The following NYAP2 variants were observed in gnomAD, a reference collection of about 807,000 sequenced individuals.
NYAP2 encodes the protein neuronal tyrosine-phosphorylated phosphoinositide-3-kinase adaptor 2, also known as neuronal tyrosine-phosphorylated phosphoinositide-3-kinase adapter 2.
In NYAP2, 23 loss-of-function variants were observed where a neutral mutation model predicts 50.4. That is an observed-to-expected ratio of 0.46 (90% confidence interval 0.33 to 0.65). NYAP2 has a LOEUF of 0.65. NYAP2 is among the 30% of genes least tolerant of loss of function. The pLI is 0.02. For missense variants in NYAP2, 885 were observed against 861.0 expected (o/e 1.03, Z -0.35); for synonymous variants, 394 against 365.2 (o/e 1.08, Z -0.90).
chr2:225,470,243 T>A (rs1278518557), intron 3 of NYAP2, among the ~76,000 whole-genome samples: 3 of 152,190 alleles, frequency 2.0e-5, no homozygotes, highest in Admixed American at 2.0e-4. Context: ...TTGATAAGCC[T>A]CTTCCCTTGA....
chr2:225,667,166 G>A, the NYAP2 span, among the ~76,000 whole-genome samples: 1 of 152,114 alleles, frequency 6.6e-6, no homozygotes, highest in Non-Finnish European at 1.5e-5. Context: ...AATTCTTGTT[G>A]TGTACTGCTA....
intron 4 of NYAP2, among the ~76,000 whole-genome samples, chr2:225,559,450 G>A (rs578052826): frequency 5.9e-5 from 9 of 152,144 alleles, no homozygotes; most frequent in African/African-American, 1.9e-4. Context: ...TTGCTTCTGA[G>A]ATGCCTGAAG....
chr2:225,407,503 A>T (rs1393949210), intron 2 of NYAP2, among the ~76,000 whole-genome samples: 3 of 151,980 alleles, frequency 2.0e-5, no homozygotes, highest in Admixed American at 1.3e-4. Flanking sequence ...ATATGGATTG[A>T]CTGGCAGCTG....
intron 5 of NYAP2, among the ~76,000 whole-genome samples, chr2:225,588,050 G>A (rs146955999): frequency 0.11 from 16,024 of 151,752 alleles, 967 homozygotes; most frequent in South Asian, 0.13. Flanking sequence ...TCAGTCTCCC[G>A]AGTAGCTGGG....
chr2:225,692,964 G>A, the NYAP2 span, among the ~76,000 whole-genome samples: 1 of 151,494 alleles, frequency 6.6e-6, no homozygotes, highest in Admixed American at 6.6e-5. Flanking sequence ...ATTCACATAC[G>A]AGTTCCAAAG....
At chr2:225,532,590 A>C (rs1691276453) in intron 4 of NYAP2, among the ~76,000 whole-genome samples, 1 of 152,216 alleles carries the variant, frequency 6.6e-6, no homozygotes, top group Non-Finnish European at 1.5e-5. Flanking sequence ...TAAGAATAAG[A>C]AGGAACTTAG....
rs1692279203 is a variant in NYAP2 at position 225,582,008 on chromosome 2, A to G, written c.591A>G (p.Arg197=). Residue 197 remains arginine, a synonymous_variant, in exon 5 of 7, where the codon CGA becomes CGG. Transcript: ENST00000636099. This position sits in a 1 kb window ranked among gnomAD's most constrained non-coding sequence, Gnocchi z 7.0. ...AGATTCCTCCTCCCAAACCGAAGCG[A>G]AATCCGAACACTCAGCTGAGCACAT... 13 of 1,613,762 alleles carry G rather than the reference A, an allele frequency of 8.1e-6. No individual in the cohort carries two copies. Among genetic ancestry groups the G allele is most frequent in the Non-Finnish European group, 1.1e-5 (13 of 1,179,652 alleles).
chr2:225,423,040 T>A (rs1158088371), intron 3 of NYAP2, among the ~76,000 whole-genome samples: 1 of 152,064 alleles, frequency 6.6e-6, no homozygotes, highest in Non-Finnish European at 1.5e-5. Context: ...TACCAGAAAA[T>A]AAAAGCACTT....
chr2:225,679,230 ATAT>A, the NYAP2 span, among the ~76,000 whole-genome samples: 3 of 152,236 alleles, frequency 2.0e-5, no homozygotes, highest in South Asian at 6.2e-4. Context: ...AGAAAAGAAA[ATAT>A]TAATAACACT....
At position 225,628,896 on chromosome 2, in the gene NYAP2, C is replaced by G. The variant is rs534426507; in HGVS notation, c.1828+1770C>G. 9.2e-5 allele frequency among the ~76,000 whole-genome samples: 14 copies of G among 152,226 alleles called. No individual in the cohort carries two copies. In the South Asian group the frequency reaches 2.1e-3, roughly 23 times the overall value. ...TACAATGACAAAAAAGATATCCTTA[C>G]ATTTAAGTGCTCAAAGTCTAGAGCA... On this transcript the variant is annotated intron_variant, in intron 6 of 6. Coordinates refer to ENST00000636099, the Ensembl canonical transcript of NYAP2.
In NYAP2 at chr2:225,651,602, C is replaced by T. The variant is rs780674638; in HGVS notation, c.*37C>T. 10 of 1,610,740 alleles carry T rather than the reference C, an allele frequency of 6.2e-6. No individual in the cohort carries two copies. The African/African-American group carries it at 6.7e-5, about 11-fold the overall frequency. ...ACAACTTGCCAAATGCTTCCCACCT[C>T]TGTCTGTCCTGTTGCTGTAGACAAC... is the stretch of plus-strand genomic sequence containing the variant. On this transcript the variant is annotated 3_prime_UTR_variant, in exon 7 of 7. Transcript: ENST00000636099.
intron 4 of NYAP2, among the ~76,000 whole-genome samples, chr2:225,579,267 A>G (rs1291766952): frequency 6.6e-6 from 1 of 152,156 alleles, no homozygotes; most frequent in Non-Finnish European, 1.5e-5. Flanking sequence ...TTTTTGTGGA[A>G]GAATGGGGAC....
chr2:225,423,205 A>G (rs574130102), intron 3 of NYAP2, among the ~76,000 whole-genome samples: 1 of 152,302 alleles, frequency 6.6e-6, no homozygotes, highest in Admixed American at 6.5e-5. Flanking sequence ...AAGAGGAATG[A>G]AAGATTAGGA....
intron 4 of NYAP2, among the ~76,000 whole-genome samples, chr2:225,551,195 G>C (rs1166902592): frequency 6.6e-6 from 1 of 152,140 alleles, no homozygotes; most frequent in Non-Finnish European, 1.5e-5. Flanking sequence ...TCACCTTCTG[G>C]TATCCTAGTA....
chr2:225,628,880 A>G (rs1239860782), intron 6 of NYAP2, among the ~76,000 whole-genome samples: 2 of 152,172 alleles, frequency 1.3e-5, no homozygotes, highest in Non-Finnish European at 2.9e-5. Flanking sequence ...ATACAATGAC[A>G]AAAAAGATAT....
At position 225,571,906 on chromosome 2, in the gene NYAP2, C is replaced by T. The variant is rs546256931; in HGVS notation, c.524-10035C>T. On this transcript the variant is annotated intron_variant, in intron 4 of 6. Coordinates refer to ENST00000636099, the Ensembl canonical transcript of NYAP2. The stretch of plus-strand genomic sequence containing the variant: ...CTTTTATTCTCTACTTCCTCTTGAA[C>T]GCTTTGCTGCTTAGAAATTTCTTCC... 7.2e-5 allele frequency among the ~76,000 whole-genome samples: 11 copies of T among 152,248 alleles called. No homozygotes were observed. The East Asian group carries it at 7.7e-4, about 11-fold the overall frequency.
At chr2:225,502,771 T>A (rs1452142615) in intron 3 of NYAP2, among the ~76,000 whole-genome samples, 1 of 152,184 alleles carries the variant, frequency 6.6e-6, no homozygotes, top group Non-Finnish European at 1.5e-5. Context: ...GGACTTGTTG[T>A]TCCATTGCAC....
chr2:225,486,317 G>A (rs370083712), intron 3 of NYAP2, among the ~76,000 whole-genome samples: 52 of 152,276 alleles, frequency 3.4e-4, no homozygotes, highest in African/African-American at 1.2e-3. Flanking sequence ...TGGCAACAGC[G>A]GCCTCTGAAA....
intron 4 of NYAP2, among the ~76,000 whole-genome samples, chr2:225,547,285 C>T (rs980964409): frequency 5.9e-5 from 9 of 152,220 alleles, no homozygotes; most frequent in African/African-American, 2.2e-4. Context: ...TATTTAATTA[C>T]ATGGCATAAG....
Sources: gnomAD v4.1 joint callset for allele counts (sites outside exome capture counted in the v4.1 genomes callset) on GRCh38, gnomAD v4.1.1 for gene constraint, Gnocchi (gnomAD v3.1) non-coding constraint, MANE v1.5 for transcripts, NCBI Gene and HGNC (gene_info 2026-07-23, HGNC 2026-07-21) for gene names.